Variants in COLEC10 observed in about 807,000 individuals in gnomAD.
COLEC10 encodes the protein collectin subfamily member 10.
Under a neutral mutation model 28.4 loss-of-function variants are expected in COLEC10, and 22 were observed. The ratio of observed to expected loss-of-function variants is 0.78; its 90% CI spans 0.55 to 1.11. The LOEUF (loss-of-function observed/expected upper bound fraction) is 1.11, where lower values mean the gene tolerates loss of function less well. Ranked by LOEUF, COLEC10 falls within the 50% of genes least tolerant of loss-of-function variation. The pLI, the probability that COLEC10 is intolerant of heterozygous loss-of-function variation, is 0.00. For synonymous variants in COLEC10, 125 were observed against 116.1 expected, an observed-to-expected ratio of 1.08 and a Z score of -0.49; for missense variants, 361 against 344.1, an observed-to-expected ratio of 1.05 and a Z score of -0.39.
intron 2 of COLEC10, among the ~76,000 whole-genome samples, chr8:119,015,198 G>A (rs192433157): frequency 1.3e-5 from 2 of 151,132 alleles, no homozygotes; most frequent in East Asian, 3.9e-4. Flanking sequence ...CTTTAGTAAT[G>A]TGGTGATATG....
rs1245820191 is a variant in COLEC10, at chr8:119,106,052, G to A, written c.695G>A (p.Ser232Asn). 1.2e-6 allele frequency: 2 copies of A among 1,613,872 alleles called. No homozygotes were observed. Among genetic ancestry groups the A allele is most frequent in the East Asian group, 2.2e-5 (1 of 44,866 alleles). ...GACAACACTCCACTGCAGAACTATA[G>A]CAACTGGAATGAGGGGGAACCCAGC... ...FTDNTPLQNY[S>N]NWNEGEPSDP... Residue 232 changes from serine to asparagine, a missense_variant, in exon 6 of 6, where the codon AGC (serine) becomes AAC (asparagine). Coordinates refer to ENST00000332843, the MANE Select transcript of COLEC10 (RefSeq NM_006438.5).
At chr8:119,079,907 C>A (rs1216043815) in intron 1 of COLEC10, among the ~76,000 whole-genome samples, 3 of 151,898 alleles carry the variant, frequency 2.0e-5, no homozygotes, top group Non-Finnish European at 4.4e-5. Context: ...CTAGTAAGCA[C>A]CCCATAAATG....
intron 1 of COLEC10, 57 bp from the exon 2 acceptor site, chr8:119,089,623 A>G: frequency 3.7e-6 from 5 of 1,363,020 alleles, no homozygotes; most frequent in Non-Finnish European, 5.2e-6. Flanking sequence ...CCCTGGGAGA[A>G]TGTGCTCATG....
intron 1 of COLEC10, among the ~76,000 whole-genome samples, chr8:119,070,186 T>C (rs1299667951): frequency 6.6e-6 from 1 of 152,156 alleles, no homozygotes; most frequent in Non-Finnish European, 1.5e-5. Flanking sequence ...GTGTCTTCAT[T>C]TGCAAAATGA....
intron 2 of COLEC10, among the ~76,000 whole-genome samples, chr8:119,038,922 C>G (rs1007826645): frequency 2.0e-5 from 3 of 152,044 alleles, no homozygotes; most frequent in African/African-American, 7.2e-5. Context: ...TTGCCAATTT[C>G]CATGACCACC....
At chr8:119,102,236 CTCCCTCCTTCCTTCT>C in intron 3 of COLEC10, 97 bp from the exon 4 acceptor site, 1 of 273,540 alleles carries the variant, frequency 3.7e-6, no homozygotes, top group Non-Finnish European at 6.7e-6. Context: ...CCCTCCCTCC[CTCCCTCCTTCCTTCT>C]TTTCCTTCCT....
At chr8:119,091,595 GAGAAAGAAAGAAAGAAAGAA>G (rs200954056) in intron 3 of COLEC10, among the ~76,000 whole-genome samples, 61 of 138,576 alleles carry the variant, frequency 4.4e-4, no homozygotes, top group African/African-American at 1.5e-3. Flanking sequence ...GAGAGAGAGA[GAGAAAGAAAGAAAGAAAGAA>G]AGAAAGAAAG....
intron 1 of COLEC10, among the ~76,000 whole-genome samples, chr8:119,008,363 G>A (rs1813843995): frequency 6.6e-6 from 1 of 150,808 alleles, no homozygotes; most frequent in African/African-American, 2.5e-5. Context: ...AATGATCTGG[G>A]GTAGTATTCA....
intron 1 of COLEC10, among the ~76,000 whole-genome samples, chr8:119,087,437 C>T (rs529247063): frequency 6.6e-5 from 10 of 152,058 alleles, no homozygotes; most frequent in Non-Finnish European, 1.2e-4. Context: ...GCTAAACACC[C>T]TCTGGAAAAA....
At chr8:119,023,588 G>C (rs144136869) in intron 2 of COLEC10, among the ~76,000 whole-genome samples, 1 of 152,016 alleles carries the variant, frequency 6.6e-6, no homozygotes, top group Non-Finnish European at 1.5e-5. Flanking sequence ...TTCTTTCTTG[G>C]TGCTTTCCTT....
In COLEC10 at chr8:119,073,984, A is replaced by G. The variant is rs551879385; in HGVS notation, c.148+6555A>G. 3.0e-4 allele frequency among the ~76,000 whole-genome samples: 45 copies of G among 151,736 alleles called. No homozygotes were observed. The South Asian group carries it at 9.1e-3, about 31-fold the overall frequency. On this transcript the variant is annotated intron_variant, in intron 1 of 5. Coordinates refer to ENST00000332843, the MANE Select transcript of COLEC10 (RefSeq NM_006438.5). The stretch of plus-strand genomic sequence containing the variant: ...CACATATACACATATATATACACGT[A>G]TATATATACACACATATATATACGT...
the COLEC10 span, chr8:118,982,886 A>C: frequency 6.6e-6 from 1 of 152,174 alleles, no homozygotes; most frequent in South Asian, 2.1e-4. Context: ...GAAGGTGGTG[A>C]GTAAGAGGTG....
chr8:119,099,082 T>C (rs1815772705), intron 3 of COLEC10, among the ~76,000 whole-genome samples: 1 of 152,080 alleles, frequency 6.6e-6, no homozygotes, highest in Admixed American at 6.6e-5. Flanking sequence ...GCAAAATAAA[T>C]GTTTTTATTT....
At chr8:119,001,944 TTCAATTTG>T (rs1813710014) in intron 1 of COLEC10, among the ~76,000 whole-genome samples, 1 of 152,210 alleles carries the variant, frequency 6.6e-6, no homozygotes, top group African/African-American at 2.4e-5. Context: ...CAAAACCATA[TTCAATTTG>T]TCAATTACTT....
chr8:119,053,789 G>T (rs1004941596), intron 2 of COLEC10, among the ~76,000 whole-genome samples: 1 of 151,902 alleles, frequency 6.6e-6, no homozygotes, highest in African/African-American at 2.4e-5. Context: ...TTAGTCTGTT[G>T]ACTTCAAATA....
chr8:119,085,877 C>G (rs980580663), intron 1 of COLEC10, among the ~76,000 whole-genome samples: 6 of 151,948 alleles, frequency 3.9e-5, no homozygotes, highest in Middle Eastern at 3.2e-3. Flanking sequence ...CTCGGCCTCC[C>G]AAAGTGCTGA....
At chr8:119,105,589 G>T (rs1246191395) in intron 5 of COLEC10, among the ~76,000 whole-genome samples, 1 of 152,064 alleles carries the variant, frequency 6.6e-6, no homozygotes, top group East Asian at 1.9e-4. Context: ...AAGTTGAGGA[G>T]AAAAGGAAGG....
chr8:119,046,292 G>A (rs140576863), intron 2 of COLEC10, among the ~76,000 whole-genome samples: 165 of 152,028 alleles, frequency 1.1e-3, no homozygotes, highest in African/African-American at 3.8e-3. Flanking sequence ...AATGTCTGAT[G>A]TCTGGCTCTA....
At chr8:119,092,846 C>G (rs2130286061) in intron 3 of COLEC10, among the ~76,000 whole-genome samples, 1 of 152,118 alleles carries the variant, frequency 6.6e-6, no homozygotes, top group Middle Eastern at 3.4e-3. Context: ...GCGGAGTTTG[C>G]ATTGAGCCAA....
Sources: allele counts gnomAD v4.1 joint callset (sites outside exome capture counted in the v4.1 genomes callset), GRCh38; gene constraint gnomAD v4.1.1; transcripts MANE v1.5; gene names NCBI Gene and HGNC (gene_info 2026-07-23, HGNC 2026-07-21).